CACNA1C: variants seen among roughly 807,000 people sequenced by gnomAD.
CACNA1C encodes the protein voltage-dependent L-type calcium channel subunit alpha-1C.
A neutral mutation model predicts 229.0 loss-of-function variants in CACNA1C; 30 were observed. That is an observed-to-expected ratio of 0.13 (90% CI 0.10 to 0.18). The LOEUF (loss-of-function observed/expected upper bound fraction) is 0.18. CACNA1C is among the 10% of genes least tolerant of loss of function. CACNA1C has a pLI of 1.00. For synonymous variants in CACNA1C, 1,114 were observed against 1,132.5 expected (o/e 0.98, Z 0.33); for missense variants, 1,658 against 2,845.0 (o/e 0.58, Z 9.49).
In CACNA1C at chr12:2,632,835, G is replaced by T. The variant is rs2091133234; in HGVS notation, c.3829-1462G>T. On this transcript the variant is annotated intron_variant, in intron 29 of 46. Transcript: ENST00000399655. This position sits in a 1 kb window ranked among gnomAD's most constrained non-coding sequence, Gnocchi z 4.1. ...AAGAACCTGGGGAGGGGCTTAGAAA[G>T]CCTCAGAAAGCCCTGTCAAGAGCCA... 6.6e-6 allele frequency among the ~76,000 whole-genome samples: 1 copy of T among 152,146 alleles called. No individual in the cohort carries two copies. The highest frequency in any genetic ancestry group is 6.5e-5 in the Admixed American group (1 of 15,284).
At chr12:2,313,216 T>C (rs1318129711) in intron 3 of CACNA1C, among the ~76,000 whole-genome samples, 4 of 152,132 alleles carry the variant, frequency 2.6e-5, no homozygotes, top group Non-Finnish European at 5.9e-5. Flanking sequence ...GAGGACTGGT[T>C]AAAGAGATGT....
intron 3 of CACNA1C, among the ~76,000 whole-genome samples, chr12:2,309,429 C>T (rs182484397): frequency 6.6e-6 from 1 of 152,068 alleles, no homozygotes; most frequent in East Asian, 1.9e-4. Flanking sequence ...AAATACTATG[C>T]TGTATATTTG....
intron 5 of CACNA1C, among the ~76,000 whole-genome samples, chr12:2,472,513 C>T (rs2099598507): frequency 6.6e-6 from 1 of 152,054 alleles, no homozygotes; most frequent in Non-Finnish European, 1.5e-5. Flanking sequence ...CCTTTAAGAT[C>T]ATATACTCAT....
At chr12:2,664,170 C>T (rs567863455) in intron 34 of CACNA1C, among the ~76,000 whole-genome samples, 2 of 152,234 alleles carry the variant, frequency 1.3e-5, no homozygotes, top group South Asian at 4.2e-4. Context: ...ATTTTATAAC[C>T]AAATTAAAAC....
chr12:2,027,632 T>A (rs1160634402), intron 1 of CACNA1C, among the ~76,000 whole-genome samples: 1 of 152,170 alleles, frequency 6.6e-6, no homozygotes, highest in African/African-American at 2.4e-5. Context: ...GGAATTGACT[T>A]GAGCGTGGGC....
In CACNA1C at chr12:2,218,184, C is replaced by T. The variant is rs754330866; in HGVS notation, c.477+97754C>T. ...ACGTCCCTACTCTAGCATCCTTTGC[C>T]TCTCCGTAGCCTCTCACTCCCTGAG... On this transcript the variant is annotated intron_variant, in intron 3 of 46. Transcript: ENST00000399655. Among the ~76,000 whole-genome samples the T allele has an allele frequency of 2.9e-4, 44 of 152,288 alleles. 1 individual carries two copies. The highest frequency in any genetic ancestry group is 7.8e-4 in the Admixed American group (12 of 15,298).
At chr12:2,306,846 C>T (rs1301838678) in intron 3 of CACNA1C, among the ~76,000 whole-genome samples, 2 of 152,346 alleles carry the variant, frequency 1.3e-5, no homozygotes, top group Middle Eastern at 3.4e-3. Context: ...GCCCCTTCCC[C>T]TCCATCTCAC....
At chr12:2,641,451 G>A (rs1371122955) in intron 30 of CACNA1C, 5 of 495,556 alleles carry the variant, frequency 1.0e-5, no homozygotes, top group Admixed American at 3.5e-5. Flanking sequence ...ATTAAATCAA[G>A]TTCCGTGGTC....
intron 30 of CACNA1C, among the ~76,000 whole-genome samples, chr12:2,643,765 G>A (rs962735415): frequency 3.9e-5 from 6 of 152,080 alleles, no homozygotes; most frequent in Non-Finnish European, 5.9e-5. Flanking sequence ...TGAAGTTGGC[G>A]TCAGATGTCT....
intron 3 of CACNA1C, among the ~76,000 whole-genome samples, chr12:2,396,615 G>T (rs2098585817): frequency 1.3e-5 from 2 of 152,230 alleles, no homozygotes; most frequent in Admixed American, 1.3e-4. Flanking sequence ...TGAACAGGGT[G>T]AGTTGTTGTC....
rs1156871556 is a variant in CACNA1C, at chr12:2,595,970, G to A, written c.2760G>A (p.Glu920=). 1.6e-5 allele frequency: 26 copies of A among 1,613,488 alleles called. No individual in the cohort carries two copies. The highest frequency in any genetic ancestry group is 2.0e-5 in the Non-Finnish European group (24 of 1,179,806). The change falls in exon 20 of 47, where the codon GAG becomes GAA. Residue 920 remains glutamate, a synonymous_variant. Coordinates refer to ENST00000399655, the MANE Select transcript of CACNA1C (RefSeq NM_000719.7). This position sits in a 1 kb window ranked among gnomAD's most constrained non-coding sequence, Gnocchi z 4.1. The stretch of plus-strand genomic sequence containing the variant: ...TCAGCAGCATTTCCCTGGCTGCTGA[G>A]GACCCGGTCCAGCACACCTCCTTCA... ...ILLSSISLAA[E]DPVQHTSFRN... is the part of the protein sequence containing the mutation.
chr12:2,315,505 T>C (rs1172348806), intron 3 of CACNA1C, among the ~76,000 whole-genome samples: 3 of 152,178 alleles, frequency 2.0e-5, no homozygotes, highest in Non-Finnish European at 4.4e-5. Flanking sequence ...TGCTGACTTA[T>C]TAGGGAGAAG....
intron 1 of CACNA1C, among the ~76,000 whole-genome samples, chr12:2,078,941 A>G (rs2064312093): frequency 6.6e-6 from 1 of 152,130 alleles, no homozygotes; most frequent in East Asian, 1.9e-4. Flanking sequence ...ATGGAATACT[A>G]TGCAGCCATA....
intron 3 of CACNA1C, among the ~76,000 whole-genome samples, chr12:2,223,808 C>T (rs2062109030): frequency 6.6e-6 from 1 of 152,130 alleles, no homozygotes. Flanking sequence ...GGTTCCATCC[C>T]TCAAGAAACT....
intron 3 of CACNA1C, among the ~76,000 whole-genome samples, chr12:2,343,175 C>T (rs985408911): frequency 2.6e-5 from 4 of 152,192 alleles, no homozygotes; most frequent in Middle Eastern, 3.2e-3. Flanking sequence ...TTTAGCAACT[C>T]CCAACCTTCT....
intron 34 of CACNA1C, among the ~76,000 whole-genome samples, chr12:2,655,790 A>G (rs543337976): frequency 6.6e-4 from 101 of 152,372 alleles, no homozygotes; most frequent in Admixed American, 1.0e-3. Context: ...GGTTCAACAT[A>G]TGCACATCAA....
chr12:2,078,350 A>G (rs1203990208), intron 1 of CACNA1C, among the ~76,000 whole-genome samples: 1 of 152,244 alleles, frequency 6.6e-6, no homozygotes. Flanking sequence ...GTATTTTGCT[A>G]TGACAGCCTG....
At chr12:2,551,191 A>G (rs2099901383) in intron 10 of CACNA1C, among the ~76,000 whole-genome samples, 1 of 151,944 alleles carries the variant, frequency 6.6e-6, no homozygotes, top group African/African-American at 2.4e-5. Flanking sequence ...GCTTAGAGAG[A>G]TGATCAAAGG....
intron 3 of CACNA1C, among the ~76,000 whole-genome samples, chr12:2,304,488 G>A (rs1399167899): frequency 6.6e-6 from 1 of 152,198 alleles, no homozygotes; most frequent in Non-Finnish European, 1.5e-5. Context: ...CCTCCATCCT[G>A]ACACGTTTGT....
Sources: allele counts gnomAD v4.1 joint callset (sites outside exome capture counted in the v4.1 genomes callset), GRCh38; gene constraint gnomAD v4.1.1; non-coding constraint Gnocchi (gnomAD v3.1); transcripts MANE v1.5; gene names NCBI Gene and HGNC (gene_info 2026-07-23, HGNC 2026-07-21).